Variants in ABCC1 observed in about 807,000 individuals in gnomAD.
ABCC1 encodes the protein multidrug resistance-associated protein 1.
Under a neutral mutation model 172.9 loss-of-function variants are expected in ABCC1, and 83 were observed. That is an observed-to-expected ratio of 0.48 (90% confidence interval 0.40 to 0.58). The LOEUF is 0.58. Ranked by LOEUF, ABCC1 falls within the 20% of genes least tolerant of loss-of-function variation. The pLI is 0.00. For synonymous variants in ABCC1, 937 were observed against 825.2 expected (o/e 1.14, Z -2.32); for missense variants, 1,817 against 2,002.7 (o/e 0.91, Z 1.77).
chr16:16,050,211 T>G (rs986042907), intron 10 of ABCC1, among the ~76,000 whole-genome samples: 1 of 152,180 alleles, frequency 6.6e-6, no homozygotes, highest in African/African-American at 2.4e-5. Context: ...ATGCTTGTGA[T>G]CTGAACACTT....
chr16:16,019,525 C>A (rs1363875601), intron 5 of ABCC1, among the ~76,000 whole-genome samples: 2 of 152,184 alleles, frequency 1.3e-5, no homozygotes, highest in African/African-American at 4.8e-5. Context: ...GCGTGGGGAT[C>A]ACCCAACCCA....
At chr16:15,955,229 G>A (rs2045965342) in intron 1 of ABCC1, among the ~76,000 whole-genome samples, 2 of 152,274 alleles carry the variant, frequency 1.3e-5, no homozygotes, top group East Asian at 1.9e-4. Context: ...GGTGGTGGGC[G>A]CCTGTAATCC....
intron 1 of ABCC1, among the ~76,000 whole-genome samples, chr16:15,960,820 C>T (rs896143272): frequency 4.6e-5 from 7 of 151,954 alleles, no homozygotes; most frequent in Non-Finnish European, 8.8e-5. Flanking sequence ...ACTGCAGAGC[C>T]CATCTCATAA....
At chr16:16,068,350 T>C in intron 13 of ABCC1, 48 bp downstream of exon 13, 1 of 1,604,890 alleles carries the variant, frequency 6.2e-7, no homozygotes, top group South Asian at 1.1e-5. Context: ...CTTGGGGTTC[T>C]AGGCCACGAA....
intron 7 of ABCC1, among the ~76,000 whole-genome samples, chr16:16,040,956 G>A (rs2048955679): frequency 6.6e-6 from 1 of 151,936 alleles, no homozygotes; most frequent in African/African-American, 2.4e-5. Flanking sequence ...GAGACAGGGT[G>A]TCACTCTTTT....
At chr16:16,140,328 G>A (rs921865076) in intron 30 of ABCC1, among the ~76,000 whole-genome samples, 2 of 152,082 alleles carry the variant, frequency 1.3e-5, no homozygotes, top group African/African-American at 4.8e-5. Context: ...TTTTAAGCAG[G>A]GAAGTGACAT....
intron 14 of ABCC1, among the ~76,000 whole-genome samples, chr16:16,074,137 T>G (rs924690167): frequency 1.3e-5 from 2 of 152,184 alleles, no homozygotes; most frequent in African/African-American, 4.8e-5. Context: ...TTCTTTGTGG[T>G]TGGGGACTGT....
At chr16:16,133,186 T>C (rs1300676479) in intron 27 of ABCC1, among the ~76,000 whole-genome samples, 1 of 152,166 alleles carries the variant, frequency 6.6e-6, no homozygotes, top group Non-Finnish European at 1.5e-5. Context: ...TAGACTTTCC[T>C]CTGGAATTGG....
intron 12 of ABCC1, among the ~76,000 whole-genome samples, chr16:16,064,222 A>G (rs1390817062): frequency 6.6e-6 from 1 of 152,282 alleles, no homozygotes; most frequent in East Asian, 1.9e-4. Flanking sequence ...CTCACTGTGT[A>G]TGAAGGGCTT....
chr16:15,991,630 T>TG (rs45498697), intron 1 of ABCC1, among the ~76,000 whole-genome samples: 16,695 of 152,018 alleles, frequency 0.11, 998 homozygotes, highest in Middle Eastern at 0.15. Flanking sequence ...AAGCAGCACC[T>TG]GTACTCACTG....
At chr16:15,988,537 G>A (rs2046791338) in intron 1 of ABCC1, among the ~76,000 whole-genome samples, 1 of 152,190 alleles carries the variant, frequency 6.6e-6, no homozygotes, top group South Asian at 2.1e-4. Context: ...AAACATGAGA[G>A]TCTGATAAGA....
chr16:15,958,695 C>G (rs577575084), intron 1 of ABCC1, among the ~76,000 whole-genome samples: 5 of 152,308 alleles, frequency 3.3e-5, no homozygotes, highest in African/African-American at 1.2e-4. Context: ...AGCTTCCCCC[C>G]GCTTAGCAAG....
chr16:16,007,864 T>A lies in ABCC1; in HGVS notation c.97T>A (p.Phe33Ile). 1 of 1,613,648 alleles carries A rather than the reference T, an allele frequency of 6.2e-7. No homozygotes were observed. Among genetic ancestry groups the A allele is most frequent in the Non-Finnish European group, 8.5e-7 (1 of 1,179,846 alleles). ...NTSNPDFTKC[F>I]QNTVLVWVPC... is the part of the protein sequence containing the mutation. ...CAGCAACCCCGACTTCACCAAGTGC[T>A]TTCAGAACACGGTCCTCGTGTGGGT... The change falls in exon 2 of 31, where the codon TTT becomes ATT. Residue 33 changes from phenylalanine to isoleucine, a missense_variant. Phe to Ile is a conservative substitution (Grantham distance 21). Around this residue, in one of 3 missense-constraint regions of ABCC1, gnomAD observed 398 missense variants for 384.2 expected, o/e 1.04. Transcript: ENST00000399410.
At chr16:15,992,746 G>A (rs1212596290) in intron 1 of ABCC1, among the ~76,000 whole-genome samples, 1 of 152,188 alleles carries the variant, frequency 6.6e-6, no homozygotes, top group Non-Finnish European at 1.5e-5. Flanking sequence ...CCATGACCCT[G>A]CTTAATGCAC....
At chr16:15,962,585 C>A (rs2046158734) in intron 1 of ABCC1, among the ~76,000 whole-genome samples, 1 of 152,138 alleles carries the variant, frequency 6.6e-6, no homozygotes, top group African/African-American at 2.4e-5. Context: ...CCTCAGGAAA[C>A]TTAAAATGAT....
chr16:16,124,377 CTGTGTGTGTG>C (rs10673887), intron 24 of ABCC1, among the ~76,000 whole-genome samples: 8 of 44,894 alleles, frequency 1.8e-4, no homozygotes, highest in African/African-American at 2.5e-4. Context: ...CTACGCCCGG[CTGTGTGTGTG>C]TGTGTGTGTG....
chr16:16,134,251 G>T, intron 27 of ABCC1, 99 bp from the exon 28 acceptor site: 1 of 1,478,572 alleles, frequency 6.8e-7, no homozygotes, highest in South Asian at 1.2e-5. Context: ...TTGACCAGAT[G>T]ACTGATGCCT....
intron 2 of ABCC1, among the ~76,000 whole-genome samples, chr16:16,008,543 A>C (rs1037337410): frequency 6.6e-6 from 1 of 151,102 alleles, no homozygotes; most frequent in African/African-American, 2.4e-5. Flanking sequence ...TTTTGAAATA[A>C]TTTAAAGCTA....
intron 2 of ABCC1, among the ~76,000 whole-genome samples, 155 bp downstream of exon 2, chr16:16,008,147 C>T (rs140853973): frequency 6.6e-6 from 1 of 151,954 alleles, no homozygotes; most frequent in Non-Finnish European, 1.5e-5. Flanking sequence ...AAAACTGGAG[C>T]TCTGGAGACA....
Sources: gnomAD v4.1 joint callset for allele counts (sites outside exome capture counted in the v4.1 genomes callset) on GRCh38, gnomAD v4.1.1 for gene constraint, gnomAD v4.1.1 regional missense constraint, MANE v1.5 for transcripts, NCBI Gene and HGNC (gene_info 2026-07-23, HGNC 2026-07-21) for gene names.